CA12: variants seen among roughly 807,000 people sequenced by gnomAD.
The protein encoded by CA12 is carbonic anhydrase 12.
CA12 carries 36 observed loss-of-function variants against 46.8 expected under a neutral mutation model. That is an observed-to-expected ratio of 0.77 (90% CI 0.59 to 1.02). The LOEUF is 1.02. Among genes scored for constraint, CA12 ranks in the 50% least tolerant of loss-of-function variants. The pLI, the probability that CA12 is intolerant of heterozygous loss-of-function variation, is 0.00. For missense variants in CA12, 436 were observed against 451.4 expected, an observed-to-expected ratio of 0.97 and a Z score of 0.31; for synonymous variants, 202 against 187.0, an observed-to-expected ratio of 1.08 and a Z score of -0.65.
chr15:63,343,515 C>T lies in CA12; in HGVS notation c.430-1418G>A, dbSNP rs750309580. Among the ~76,000 whole-genome samples, 8 of 151,806 alleles carry T rather than the reference C, an allele frequency of 5.3e-5. 1 individual carries two copies. The South Asian group carries it at 1.0e-3, about 20-fold the overall frequency. On this transcript the variant is annotated intron_variant, in intron 4 of 10. Transcript: ENST00000178638. ...AGGCTGGTCTCGAACTCCTGACCTC[C>T]GGTGATCCACCCGTCTCAGCCTCCC... is the stretch of plus-strand genomic sequence containing the variant.
chr15:63,375,800 T>C (rs1344374826), intron 1 of CA12, 122 bp from the exon 2 acceptor site: 2 of 706,088 alleles, frequency 2.8e-6, no homozygotes, highest in African/African-American at 1.8e-5. Flanking sequence ...AAATTGAAAC[T>C]TTTTCTTTTT....
In CA12 at chr15:63,366,925, T is replaced by A. The variant is rs561856142; in HGVS notation, c.106+8733A>T. The stretch of plus-strand genomic sequence containing the variant: ...ACACTAAGGTGGCTTATTTATTTAT[T>A]TTATTTTATTTTTTGAGATGGACTC... On this transcript the variant is annotated intron_variant, in intron 2 of 10. Transcript: ENST00000178638. 9.9e-5 allele frequency among the ~76,000 whole-genome samples: 15 copies of A among 152,178 alleles called. No individual in the cohort carries two copies. In the South Asian group the frequency reaches 3.1e-3, roughly 32 times the overall value.
chr15:63,352,668 T>A (rs2039247896), intron 2 of CA12, among the ~76,000 whole-genome samples: 1 of 152,088 alleles, frequency 6.6e-6, no homozygotes, highest in Non-Finnish European at 1.5e-5. Context: ...CGCAGTCAGA[T>A]CAAAACTTGC....
rs1179428839 is a variant in CA12 at position 63,338,888 on chromosome 15, C to G, written c.805G>C (p.Glu269Gln). ...ACCTGCCGGAAGTTGTTGATCATTT[C>G]TCTGGGGGAAGGGTCGTCCATGTGT... The part of the protein sequence containing the change: ...CTHMDDPSPR[E>Q]MINNFRQVQK... Residue 269 changes from glutamate to glutamine, a missense_variant, in exon 8 of 11, where the codon GAA becomes CAA. By Grantham distance (29) the Glu-to-Gln change is conservative (BLOSUM62 2). Transcript: ENST00000178638. 19 of 1,614,192 alleles carry G rather than the reference C, an allele frequency of 1.2e-5. 1 individual carries two copies. The highest frequency in any genetic ancestry group is 3.3e-4 in the Middle Eastern group (2 of 6,062).
chr15:63,343,442 C>T (rs568944254), intron 4 of CA12, among the ~76,000 whole-genome samples: 6 of 151,954 alleles, frequency 3.9e-5, no homozygotes, highest in African/African-American at 1.2e-4. Context: ...CCACCAAGCC[C>T]GGCTAATTTT....
At chr15:63,362,676 C>G (rs1162651488) in intron 2 of CA12, among the ~76,000 whole-genome samples, 1 of 152,194 alleles carries the variant, frequency 6.6e-6, no homozygotes. Context: ...TGGACGTTGA[C>G]CTGATGCTGG....
intron 4 of CA12, among the ~76,000 whole-genome samples, chr15:63,342,653 C>T (rs2039095925): frequency 6.6e-6 from 1 of 152,162 alleles, no homozygotes; most frequent in Admixed American, 6.5e-5. Flanking sequence ...CCAACTCCCT[C>T]TTCCCATCAT....
chr15:63,359,674 T>A (rs929916820), intron 2 of CA12, among the ~76,000 whole-genome samples: 1 of 152,108 alleles, frequency 6.6e-6, no homozygotes, highest in Non-Finnish European at 1.5e-5. Flanking sequence ...GTCAAGGGCA[T>A]AAAAGGTCTA....
At chr15:63,334,155 A>G (rs2038968929) in intron 8 of CA12, among the ~76,000 whole-genome samples, 3 of 148,462 alleles carry the variant, frequency 2.0e-5, no homozygotes, top group Admixed American at 1.3e-4. Context: ...TGGCCTGAGG[A>G]CGTGTCCCCT....
chr15:63,338,885 T>C lies in CA12; in HGVS notation c.808A>G (p.Met270Val). The change falls in exon 8 of 11, where the codon ATG becomes GTG. Residue 270 changes from methionine to valine, a missense_variant. By Grantham distance (21) the Met-to-Val change is conservative (BLOSUM62 1). Coordinates refer to ENST00000178638, the MANE Select transcript of CA12 (RefSeq NM_001218.5). ...TGGACCTGCCGGAAGTTGTTGATCATTTCTCTGGGGGAAGGGTCGTCCATG... is the reference window on the plus strand; with the variant it reads ...TGGACCTGCCGGAAGTTGTTGATCACTTCTCTGGGGGAAGGGTCGTCCATG... Reference protein sequence around the residue: ...THMDDPSPREMINNFRQVQKF... With the variant: ...THMDDPSPREVINNFRQVQKF... 1 of 1,614,170 alleles carries C rather than the reference T, an allele frequency of 6.2e-7. No individual in the cohort carries two copies. The highest frequency in any genetic ancestry group is 8.5e-7 in the Non-Finnish European group (1 of 1,180,028).
At chr15:63,370,883 G>A (rs1314952835) in intron 2 of CA12, among the ~76,000 whole-genome samples, 5 of 152,156 alleles carry the variant, frequency 3.3e-5, no homozygotes, top group East Asian at 1.9e-4. Flanking sequence ...TGGGAGTCGC[G>A]AGAAGTGGCT....
chr15:63,377,619 T>A (rs1480954099), intron 1 of CA12, among the ~76,000 whole-genome samples: 2 of 152,240 alleles, frequency 1.3e-5, no homozygotes, highest in Non-Finnish European at 2.9e-5. Flanking sequence ...TGCACGTGGT[T>A]TAGAAAGTCA....
intron 2 of CA12, among the ~76,000 whole-genome samples, chr15:63,356,740 T>C (rs1438296304): frequency 2.0e-5 from 3 of 152,098 alleles, no homozygotes; most frequent in African/African-American, 7.2e-5. Context: ...ATCTCCTGAC[T>C]TCAAGTGATC....
intron 2 of CA12, among the ~76,000 whole-genome samples, chr15:63,354,774 A>G (rs2039274630): frequency 6.6e-6 from 1 of 152,160 alleles, no homozygotes; most frequent in African/African-American, 2.4e-5. Context: ...GGTGGGGGCC[A>G]GGAGTGCAGG....
intron 2 of CA12, among the ~76,000 whole-genome samples, chr15:63,347,051 T>C (rs1171640841): frequency 6.6e-6 from 1 of 152,240 alleles, no homozygotes; most frequent in East Asian, 1.9e-4. Flanking sequence ...GTACCTATTA[T>C]GAGCCAGGAA....
chr15:63,360,063 C>A (rs2039342052), intron 2 of CA12, among the ~76,000 whole-genome samples: 2 of 152,350 alleles, frequency 1.3e-5, no homozygotes, highest in African/African-American at 4.8e-5. Flanking sequence ...AGCTTTTATC[C>A]TGCTTGCAAG....
Position 63,327,996 on chromosome 15 carries a change from G to A in CA12, c.907+102C>T. The stretch of plus-strand genomic sequence containing the variant: ...ATAGCAAGGAGAGGGCCAGGAGCCA[G>A]AGCAATAGTACAGAGAAGCAGAGAG... On this transcript the variant is annotated intron_variant, in intron 9 of 10. Coordinates refer to ENST00000178638, the MANE Select transcript of CA12 (RefSeq NM_001218.5). The surrounding 1 kb of genome is among the most constrained non-coding windows in gnomAD (Gnocchi z 4.5). The A allele has an allele frequency of 1.8e-6, 2 of 1,130,450 alleles. No homozygotes were observed. The highest frequency in any genetic ancestry group is 2.7e-6 in the Non-Finnish European group (2 of 744,716). The allele number at this position is 1,130,450 out of a possible 1,614,324, so 70.0% of individuals were successfully genotyped here. A position where few individuals can be genotyped will look rare whatever the true frequency, so the allele number is the denominator to read the frequency against.
In CA12 at chr15:63,362,044, GA is replaced by G. The variant is rs1232304325; in HGVS notation, c.106+13613del. 2.6e-5 allele frequency among the ~76,000 whole-genome samples: 4 copies of G among 152,338 alleles called. No individual in the cohort carries two copies. In the East Asian group the frequency reaches 5.8e-4, roughly 22 times the overall value. ...GGCTAACTTTTTCTGCAAAAGGCCA[GA>G]GAGTAAGTTTTTGAAGCTTTGCGGG... is the stretch of plus-strand genomic sequence containing the variant. On this transcript the variant is annotated intron_variant, in intron 2 of 10. Transcript: ENST00000178638.
At chr15:63,357,347 G>A (rs1159195317) in intron 2 of CA12, among the ~76,000 whole-genome samples, 1 of 152,184 alleles carries the variant, frequency 6.6e-6, no homozygotes, top group Non-Finnish European at 1.5e-5. Flanking sequence ...TGATGCTGCT[G>A]CTGCTGGGTC....
Sources: allele counts gnomAD v4.1 joint callset (sites outside exome capture counted in the v4.1 genomes callset), GRCh38; gene constraint gnomAD v4.1.1; non-coding constraint Gnocchi (gnomAD v3.1); transcripts MANE v1.5; gene names NCBI Gene and HGNC (gene_info 2026-07-23, HGNC 2026-07-21).